The following ZEB1 variants were observed in gnomAD, a reference collection of about 807,000 sequenced individuals.
ZEB1 encodes the protein zinc finger E-box-binding homeobox 1.
In ZEB1, 21 loss-of-function variants were observed where a neutral mutation model predicts 84.9. The observed-to-expected ratio is 0.25, with a 90% CI of 0.18 to 0.36. The LOEUF is 0.36. Ranked by LOEUF, ZEB1 falls within the 10% of genes least tolerant of loss-of-function variation. The pLI is 1.00. For synonymous variants in ZEB1, 420 were observed against 471.1 expected, an observed-to-expected ratio of 0.89 and a Z score of 1.41; for missense variants, 1,104 against 1,330.2, an observed-to-expected ratio of 0.83 and a Z score of 2.65.
chr10:31,428,600 G>T (rs1220023339), intron 1 of ZEB1, among the ~76,000 whole-genome samples: 1 of 152,174 alleles, frequency 6.6e-6, no homozygotes, highest in Non-Finnish European at 1.5e-5. Flanking sequence ...CTGAGTTCAG[G>T]TCCTGAATAT....
At chr10:31,510,934 T>C in intron 5 of ZEB1, 59 bp downstream of exon 5, 1 of 1,492,284 alleles carries the variant, frequency 6.7e-7, no homozygotes, top group Non-Finnish European at 9.3e-7. Context: ...CAGCCCTCAA[T>C]GGAAGGCAAG....
chr10:31,401,441 G>C (rs1281493585), intron 1 of ZEB1, among the ~76,000 whole-genome samples: 1 of 152,196 alleles, frequency 6.6e-6, no homozygotes, highest in Admixed American at 6.6e-5. Context: ...AACATTGCAT[G>C]TGATGGGTGT....
intron 2 of ZEB1, among the ~76,000 whole-genome samples, chr10:31,474,856 A>G (rs2063839564): frequency 1.3e-5 from 2 of 152,174 alleles, no homozygotes; most frequent in African/African-American, 4.8e-5. Flanking sequence ...GGTGGCACAT[A>G]TACACCATGG....
At chr10:31,412,216 TATG>T (rs1263855900) in intron 1 of ZEB1, among the ~76,000 whole-genome samples, 1 of 152,236 alleles carries the variant, frequency 6.6e-6, no homozygotes, top group Non-Finnish European at 1.5e-5. Context: ...ATTTTTAAAT[TATG>T]ATGTCACTTG....
At chr10:31,412,590 C>T (rs1000108766) in intron 1 of ZEB1, among the ~76,000 whole-genome samples, 2 of 152,206 alleles carry the variant, frequency 1.3e-5, no homozygotes, top group African/African-American at 4.8e-5. Context: ...GACGTCAATT[C>T]ATCCTTTTTT....
rs1387786622 is a variant in ZEB1 at position 31,452,742 on chromosome 10, T to TGTGTGTGA, written c.59-8294_59-8293insTGTGTGAG. On this transcript the variant is annotated intron_variant, in intron 1 of 8. Transcript: ENST00000424869. ...GTGTGTGTGTGTGTGTGTGTGTGTGTGAGAGAGAGAGAGAGAGAGAGAGAG... is the reference window on the plus strand; with the variant it reads ...GTGTGTGTGTGTGTGTGTGTGTGTGTGTGTGTGAGAGAGAGAGAGAGAGAGAGAGAGAG... 8.8e-3 allele frequency among the ~76,000 whole-genome samples: 796 copies of TGTGTGTGA among 90,746 alleles called. 12 individuals are homozygous for TGTGTGTGA. The highest frequency in any genetic ancestry group is 0.01 in the Non-Finnish European group (487 of 48,116). 59.5% of individuals were successfully genotyped at this position (90,746 alleles called of 152,430 possible). A position where few individuals can be genotyped will look rare whatever the true frequency, so the allele number is the denominator to read the frequency against.
chr10:31,509,691 G>A (rs2069622771), intron 4 of ZEB1, among the ~76,000 whole-genome samples: 1 of 152,162 alleles, frequency 6.6e-6, no homozygotes, highest in Admixed American at 6.5e-5. Context: ...AAAGCACTTG[G>A]AGATTTTATG....
chr10:31,371,930 A>G (rs1384210100), intron 1 of ZEB1, among the ~76,000 whole-genome samples: 1 of 152,098 alleles, frequency 6.6e-6, no homozygotes, highest in Admixed American at 6.6e-5. Context: ...ATATTCTCTT[A>G]TATAATGCCT....
intron 2 of ZEB1, among the ~76,000 whole-genome samples, chr10:31,469,262 G>A (rs373210143): frequency 2.8e-4 from 43 of 151,826 alleles, no homozygotes; most frequent in Admixed American, 3.9e-4. Flanking sequence ...CGTGAGCGAC[G>A]CAGAAGACGG....
chr10:31,330,963 C>T (rs929084610), intron 1 of ZEB1, among the ~76,000 whole-genome samples: 2 of 151,290 alleles, frequency 1.3e-5, no homozygotes, highest in Non-Finnish European at 1.5e-5. Context: ...CTGTCTTGAA[C>T]GTTCTGTATA....
intron 2 of ZEB1, among the ~76,000 whole-genome samples, chr10:31,492,917 T>C (rs1306968097): frequency 1.3e-5 from 2 of 151,958 alleles, no homozygotes; most frequent in East Asian, 1.9e-4. Flanking sequence ...CTTTGACTTA[T>C]TTTTAAATTA....
intron 4 of ZEB1, among the ~76,000 whole-genome samples, chr10:31,503,530 G>A (rs1196032398): frequency 6.6e-6 from 1 of 151,940 alleles, no homozygotes; most frequent in Non-Finnish European, 1.5e-5. Context: ...ACTGTAATAA[G>A]CATGAAGATC....
At chr10:31,386,236 C>T (rs2048619651) in intron 1 of ZEB1, among the ~76,000 whole-genome samples, 1 of 151,768 alleles carries the variant, frequency 6.6e-6, no homozygotes, top group African/African-American at 2.4e-5. Flanking sequence ...ATTTCCTGAT[C>T]TTAAAGCATT....
In ZEB1 at chr10:31,520,265, G is replaced by A. The variant is rs2072016702; in HGVS notation, c.933G>A (p.Gln311=). 3 of 1,613,954 alleles carry A rather than the reference G, an allele frequency of 1.9e-6. No individual in the cohort carries two copies. The highest frequency in any genetic ancestry group is 1.3e-5 in the African/African-American group (1 of 75,018). ...CAAGAACAGGACTCAAGACATCTCA[G>A]TGTTCTTCACCGTCTCTTTCAGCAT... ...GRPRTGLKTS[Q]CSSPSLSASP... The change falls in exon 7 of 9, where the codon CAG becomes CAA. Residue 311 remains glutamine, a synonymous_variant. Coordinates refer to ENST00000424869, the MANE Select transcript of ZEB1 (RefSeq NM_001174096.2). This position sits in a 1 kb window ranked among gnomAD's most constrained non-coding sequence, Gnocchi z 5.1.
intron 1 of ZEB1, among the ~76,000 whole-genome samples, chr10:31,445,432 G>A (rs1271567333): frequency 1.4e-5 from 2 of 146,178 alleles, no homozygotes; most frequent in East Asian, 2.0e-4. Flanking sequence ...AATTGCCCTG[G>A]CCAGAACTTC....
At position 31,479,352 on chromosome 10, in the gene ZEB1, C is replaced by T. The variant is rs995465917; in HGVS notation, c.260-16424C>T. 2.0e-5 allele frequency among the ~76,000 whole-genome samples: 3 copies of T among 151,826 alleles called. No individual in the cohort carries two copies. In the South Asian group the frequency reaches 6.2e-4, roughly 31 times the overall value. On this transcript the variant is annotated intron_variant, in intron 2 of 8. Transcript: ENST00000424869. ...TGGTCAACTTGTAGAATCAGTTCTT[C>T]TCAAATTCTTCTAGAAATTTGAAGA... is the stretch of plus-strand genomic sequence containing the variant.
At chr10:31,391,646 T>A (rs2049759910) in intron 1 of ZEB1, among the ~76,000 whole-genome samples, 1 of 152,216 alleles carries the variant, frequency 6.6e-6, no homozygotes, top group African/African-American at 2.4e-5. Context: ...AGTAAACTAA[T>A]GAGTTGTGTC....
At chr10:31,429,999 C>T (rs1394390697) in intron 1 of ZEB1, among the ~76,000 whole-genome samples, 1 of 152,020 alleles carries the variant, frequency 6.6e-6, no homozygotes, top group Non-Finnish European at 1.5e-5. Flanking sequence ...CCTTGGCCTC[C>T]CAAAGTGCTG....
At chr10:31,399,594 C>G (rs1299597457) in intron 1 of ZEB1, among the ~76,000 whole-genome samples, 2 of 152,142 alleles carry the variant, frequency 1.3e-5, no homozygotes, top group South Asian at 2.1e-4. Flanking sequence ...TGTATTGATG[C>G]AAAAAGCCTC....
Sources: allele counts gnomAD v4.1 joint callset (sites outside exome capture counted in the v4.1 genomes callset), GRCh38; gene constraint gnomAD v4.1.1; non-coding constraint Gnocchi (gnomAD v3.1); transcripts MANE v1.5; gene names NCBI Gene and HGNC (gene_info 2026-07-23, HGNC 2026-07-21).